GLIS3: variants seen among roughly 807,000 people sequenced by gnomAD.
The protein encoded by GLIS3 is zinc finger protein GLIS3.
GLIS3 carries 53 observed loss-of-function variants against 78.6 expected under a neutral mutation model. That is an observed-to-expected ratio of 0.67 (90% CI 0.54 to 0.85). The LOEUF (loss-of-function observed/expected upper bound fraction) is 0.85. Among genes scored for constraint, GLIS3 ranks in the 40% least tolerant of loss-of-function variants. The probability of loss-of-function intolerance (pLI) is 0.00; values close to 1 mark genes in which losing one functional copy is unlikely to be tolerated. For missense variants in GLIS3, 1,703 were observed against 1,231.1 expected (o/e 1.38, Z -5.74); for synonymous variants, 684 against 509.9 (o/e 1.34, Z -4.60).
chr9:4,191,034 C>G (rs947051270), intron 2 of GLIS3, among the ~76,000 whole-genome samples: 1 of 151,632 alleles, frequency 6.6e-6, no homozygotes, highest in Non-Finnish European at 1.5e-5. Context: ...CTGAAGGAAG[C>G]GCTAAACATG....
chr9:4,196,938 C>A (rs1309542954), intron 2 of GLIS3, among the ~76,000 whole-genome samples: 1 of 152,192 alleles, frequency 6.6e-6, no homozygotes, highest in Non-Finnish European at 1.5e-5. Flanking sequence ...CTCTCCGCTC[C>A]ACCCCTAGGC....
intron 9 of GLIS3, among the ~76,000 whole-genome samples, chr9:3,846,128 T>G (rs1208109296): frequency 6.6e-6 from 1 of 152,208 alleles, no homozygotes; most frequent in Admixed American, 6.5e-5. Context: ...GGGAAATGAC[T>G]TCATCTTGCA....
chr9:4,332,883 A>G (rs896223153), intron 2 of GLIS3, among the ~76,000 whole-genome samples: 1 of 152,260 alleles, frequency 6.6e-6, no homozygotes, highest in Non-Finnish European at 1.5e-5. Context: ...TATTTCTGGG[A>G]TGGGTGGTAT....
chr9:3,996,921 T>G (rs12115547), intron 4 of GLIS3, among the ~76,000 whole-genome samples: 7,585 of 152,146 alleles, frequency 0.05, 632 homozygotes, highest in African/African-American at 0.17. Flanking sequence ...AGATGACAAA[T>G]GATAAGTGTC....
At chr9:3,914,616 C>T (rs1190799080) in intron 6 of GLIS3, among the ~76,000 whole-genome samples, 1 of 152,208 alleles carries the variant, frequency 6.6e-6, no homozygotes, top group Non-Finnish European at 1.5e-5. Context: ...CTTCATATCT[C>T]TCATTCATCT....
At chr9:4,352,995 G>A (rs1305489183), upstream of GLIS3, among the ~76,000 whole-genome samples, 2 of 152,112 alleles carry the variant, frequency 1.3e-5, no homozygotes, top group African/African-American at 4.8e-5. Context: ...AGACCTCAGT[G>A]GTTTTTTGGC....
intron 9 of GLIS3, among the ~76,000 whole-genome samples, chr9:3,835,744 C>T (rs1451135536): frequency 2.0e-5 from 3 of 152,224 alleles, no homozygotes; most frequent in African/African-American, 7.2e-5. Flanking sequence ...AGTTCACACC[C>T]TATAACTGTT....
chr9:4,146,717 T>C (rs1466894762), intron 2 of GLIS3, among the ~76,000 whole-genome samples: 1 of 152,194 alleles, frequency 6.6e-6, no homozygotes, highest in African/African-American at 2.4e-5. Context: ...AAACTTCATC[T>C]CAAACGCCTA....
chr9:4,377,894 C>G, the GLIS3 span, among the ~76,000 whole-genome samples: 2 of 152,044 alleles, frequency 1.3e-5, no homozygotes, highest in African/African-American at 2.4e-5. Context: ...AAAACATGCT[C>G]TTAGAAGTTC....
At chr9:4,395,724 G>A in the GLIS3 span, among the ~76,000 whole-genome samples, 4 of 150,530 alleles carry the variant, frequency 2.7e-5, no homozygotes, top group Non-Finnish European at 4.4e-5. Context: ...TTTTGTTATC[G>A]TTTACTACGG....
upstream of GLIS3, among the ~76,000 whole-genome samples, chr9:4,304,218 C>G (rs1203148535): frequency 6.6e-6 from 1 of 152,180 alleles, no homozygotes; most frequent in Non-Finnish European, 1.5e-5. Context: ...TGAATGTGTG[C>G]AAACCACACT....
chr9:4,059,251 A>G (rs983469952), intron 4 of GLIS3, among the ~76,000 whole-genome samples: 1 of 152,214 alleles, frequency 6.6e-6, no homozygotes, highest in African/African-American at 2.4e-5. Flanking sequence ...TCAGTTTTCC[A>G]AACTAGGGAA....
chr9:4,132,915 C>T (rs367975211), intron 2 of GLIS3, among the ~76,000 whole-genome samples: 8 of 152,078 alleles, frequency 5.3e-5, no homozygotes, highest in African/African-American at 1.2e-4. Flanking sequence ...TGTGCCTCAG[C>T]GTACTGTTCT....
At chr9:4,287,799 G>T (rs1007362501) in intron 1 of GLIS3, among the ~76,000 whole-genome samples, 1 of 152,200 alleles carries the variant, frequency 6.6e-6, no homozygotes, top group Non-Finnish European at 1.5e-5. Context: ...TTCATTTTTA[G>T]AAAATCAAAA....
chr9:4,415,642 A>T, the GLIS3 span, among the ~76,000 whole-genome samples: 1 of 152,222 alleles, frequency 6.6e-6, no homozygotes. Context: ...TTCTGCTAAG[A>T]AACAGTGCAA....
intron 1 of GLIS3, among the ~76,000 whole-genome samples, chr9:4,295,116 G>A (rs1200462920): frequency 6.6e-6 from 1 of 152,066 alleles, no homozygotes; most frequent in African/African-American, 2.4e-5. Flanking sequence ...TGGCCTACTG[G>A]TGAACAATGA....
At chr9:4,337,412 T>C (rs1287654094) in intron 2 of GLIS3, among the ~76,000 whole-genome samples, 4 of 152,190 alleles carry the variant, frequency 2.6e-5, no homozygotes, top group Non-Finnish European at 4.4e-5. Context: ...ACATAGGAAA[T>C]GTTCATTTGA....
chr9:4,319,076 G>A (rs1186937388), intron 2 of GLIS3, among the ~76,000 whole-genome samples: 1 of 152,192 alleles, frequency 6.6e-6, no homozygotes, highest in South Asian at 2.1e-4. Context: ...TGTCATGAAA[G>A]ACATGAGGAA....
chr9:3,946,860 CA>C (rs1012374628), intron 4 of GLIS3, among the ~76,000 whole-genome samples: 3 of 151,828 alleles, frequency 2.0e-5, no homozygotes, highest in African/African-American at 7.2e-5. Context: ...TCAAATATGC[CA>C]GGGAAGAGCC....
Sources: gnomAD v4.1 joint callset for allele counts (sites outside exome capture counted in the v4.1 genomes callset) on GRCh38, gnomAD v4.1.1 for gene constraint, MANE v1.5 for transcripts, NCBI Gene and HGNC (gene_info 2026-07-23, HGNC 2026-07-21) for gene names.